The following EML1 variants were observed in gnomAD, a reference collection of about 807,000 sequenced individuals.
The protein encoded by EML1 is echinoderm microtubule-associated protein-like 1.
A neutral mutation model predicts 110.4 loss-of-function variants in EML1; 27 were observed. The ratio of observed to expected loss-of-function variants is 0.24; its 90% CI spans 0.18 to 0.34. The LOEUF (loss-of-function observed/expected upper bound fraction) is 0.34. Ranked by LOEUF, EML1 falls within the 10% of genes least tolerant of loss-of-function variation. The pLI, the probability that EML1 is intolerant of heterozygous loss-of-function variation, is 1.00. For synonymous variants in EML1, 344 were observed against 385.8 expected (o/e 0.89, Z 1.27); for missense variants, 741 against 1,030.9 (o/e 0.72, Z 3.85).
chr14:99,831,371 C>G (rs1332111508), intron 1 of EML1, among the ~76,000 whole-genome samples: 1 of 152,066 alleles, frequency 6.6e-6, no homozygotes, highest in Non-Finnish European at 1.5e-5. Context: ...CTCCAGGGAC[C>G]CGGGACAGGT....
At chr14:99,835,754 A>G (rs2058530321) in intron 1 of EML1, among the ~76,000 whole-genome samples, 1 of 152,232 alleles carries the variant, frequency 6.6e-6, no homozygotes, top group African/African-American at 2.4e-5. Flanking sequence ...ATTATTTTGC[A>G]TGTGGACATT....
chr14:99,746,807 T>A (rs961617040), intron 1 of EML1, among the ~76,000 whole-genome samples: 11 of 152,152 alleles, frequency 7.2e-5, no homozygotes, highest in African/African-American at 1.9e-4. Context: ...TAGAGCCTTG[T>A]CCTGTGTCCC....
At chr14:99,886,054 A>C (rs1411409956) in intron 4 of EML1, 1 of 315,466 alleles carries the variant, frequency 3.2e-6, no homozygotes, top group African/African-American at 2.2e-5. Flanking sequence ...AACATTTTGA[A>C]TAGATGGTTC....
intron 3 of EML1, among the ~76,000 whole-genome samples, chr14:99,866,113 A>C (rs2059093685): frequency 6.6e-6 from 1 of 152,236 alleles, no homozygotes; most frequent in Non-Finnish European, 1.5e-5. Flanking sequence ...TTTGCTCTTA[A>C]CTTTGCTATT....
chr14:99,829,751 A>G (rs2058419070), intron 1 of EML1, among the ~76,000 whole-genome samples: 1 of 152,220 alleles, frequency 6.6e-6, no homozygotes, highest in African/African-American at 2.4e-5. Context: ...TTTGTCTCAT[A>G]CAATACTAGT....
chr14:99,894,625 G>T lies in EML1; in HGVS notation c.548-4G>T. ...TCTTACTGAAATCTTTGTTCTTTTTGTAGAAGAAGGCTATGTAAAAATGTT... is the reference window on the plus strand; with the variant it reads ...TCTTACTGAAATCTTTGTTCTTTTTTTAGAAGAAGGCTATGTAAAAATGTT... On this transcript the variant is annotated splice_polypyrimidine_tract_variant and splice_region_variant and intron_variant, in intron 5 of 21. Coordinates refer to ENST00000262233, the MANE Select transcript of EML1 (RefSeq NM_004434.3). The T allele has an allele frequency of 6.2e-7, 1 of 1,608,860 alleles. No homozygotes were observed. The highest frequency in any genetic ancestry group is 8.5e-7 in the Non-Finnish European group (1 of 1,178,068).
At chr14:99,874,601 T>G (rs1566910840) in intron 3 of EML1, among the ~76,000 whole-genome samples, 1 of 152,260 alleles carries the variant, frequency 6.6e-6, no homozygotes, top group Non-Finnish European at 1.5e-5. Flanking sequence ...AGCTTTATTT[T>G]CTGTCCTTCA....
At chr14:99,917,407 A>G (rs2060051354) in intron 15 of EML1, among the ~76,000 whole-genome samples, 1 of 152,130 alleles carries the variant, frequency 6.6e-6, no homozygotes, top group Non-Finnish European at 1.5e-5. Flanking sequence ...CCATCTCTAC[A>G]AAATTAAAAA....
intron 1 of EML1, among the ~76,000 whole-genome samples, chr14:99,830,560 T>C (rs1013298232): frequency 6.6e-6 from 1 of 152,236 alleles, no homozygotes; most frequent in Admixed American, 6.5e-5. Flanking sequence ...TTGTTTTTTT[T>C]GTTTTTTGAG....
intron 9 of EML1, among the ~76,000 whole-genome samples, chr14:99,902,452 G>A (rs549898293): frequency 3.9e-5 from 6 of 152,124 alleles, no homozygotes; most frequent in Non-Finnish European, 7.4e-5. Flanking sequence ...ACTTAAAAAC[G>A]ACTGATGAAA....
intron 1 of EML1, among the ~76,000 whole-genome samples, chr14:99,801,055 G>A (rs1045722887): frequency 7.9e-5 from 12 of 152,252 alleles, no homozygotes; most frequent in Admixed American, 4.6e-4. Flanking sequence ...TCATGGTGTG[G>A]TCCAGGACTG....
chr14:99,756,078 C>T (rs2057250161), intron 1 of EML1, among the ~76,000 whole-genome samples: 1 of 152,220 alleles, frequency 6.6e-6, no homozygotes, highest in Admixed American at 6.5e-5. Context: ...CCCAGGATGG[C>T]TTTCAGGGAA....
chr14:99,878,394 G>A, intron 3 of EML1, 91 bp from the exon 4 acceptor site: 21 of 1,491,440 alleles, frequency 1.4e-5, no homozygotes, highest in Non-Finnish European at 1.5e-5. Context: ...CCATGTGGAA[G>A]TATGACGTTC....
intron 17 of EML1, 134 bp downstream of exon 17, chr14:99,921,011 C>A: frequency 2.7e-6 from 2 of 741,106 alleles, no homozygotes; most frequent in Non-Finnish European, 4.3e-6. Flanking sequence ...ACAGATCAAC[C>A]CATCACCCAC....
In EML1 at chr14:99,928,477, G is replaced by GA. The variant is rs142843937; in HGVS notation, c.1910-7551dup. 8.6e-3 allele frequency among the ~76,000 whole-genome samples: 1,304 copies of GA among 152,068 alleles called. 25 individuals carry two copies. The highest frequency in any genetic ancestry group is 0.03 in the African/African-American group (1,245 of 41,434). ...CCCTCCTTCCTTTTTCATCTGAAGG[G>GA]AGGAGATCACAATATGGGTGTTAGG... On this transcript the variant is annotated intron_variant, in intron 17 of 21. Transcript: ENST00000262233.
chr14:99,795,272 T>A (rs1388862701), intron 1 of EML1, among the ~76,000 whole-genome samples: 2 of 152,262 alleles, frequency 1.3e-5, no homozygotes, highest in Non-Finnish European at 1.5e-5. Context: ...TTCCTTTTAA[T>A]TGCCAGCCTA....
chr14:99,920,414 A>G (rs1037106372), intron 16 of EML1, among the ~76,000 whole-genome samples: 1 of 152,128 alleles, frequency 6.6e-6, no homozygotes, highest in Non-Finnish European at 1.5e-5. Flanking sequence ...CGCCCTGGAA[A>G]CCTGGGTGAG....
At position 99,939,315 on chromosome 14, in the gene EML1, C is replaced by T. The variant is rs777710918; in HGVS notation, c.2310C>T (p.Cys770=). The change falls in exon 21 of 22, where the codon TGC becomes TGT. Residue 770 remains cysteine (C), a synonymous_variant. Transcript: ENST00000262233. The surrounding 1 kb of genome is among the most constrained non-coding windows in gnomAD (Gnocchi z 4.2). ...FGKVHLFSYP[C]SQFRAPSHIY... ...AAGTGCACCTCTTCTCATACCCCTG[C>T]TCGCAGTTCAGGGTAAAGGACTTGT... 4 of 1,614,236 alleles carry T rather than the reference C, an allele frequency of 2.5e-6. No individual in the cohort carries two copies. Among genetic ancestry groups the T allele is most frequent in the Non-Finnish European group, 3.4e-6 (4 of 1,180,040 alleles).
intron 3 of EML1, among the ~76,000 whole-genome samples, chr14:99,877,916 TC>T (rs1219994969): frequency 6.6e-6 from 1 of 151,816 alleles, no homozygotes; most frequent in Non-Finnish European, 1.5e-5. Flanking sequence ...GGGGGCACCA[TC>T]CCCCCGGGTT....
Sources: allele counts gnomAD v4.1 joint callset (sites outside exome capture counted in the v4.1 genomes callset), GRCh38; gene constraint gnomAD v4.1.1; non-coding constraint Gnocchi (gnomAD v3.1); transcripts MANE v1.5; gene names NCBI Gene and HGNC (gene_info 2026-07-23, HGNC 2026-07-21).